STK32A: variants seen among roughly 807,000 people sequenced by gnomAD.
STK32A encodes serine/threonine kinase 32A, also known as serine/threonine-protein kinase 32A.
Under a neutral mutation model 53.2 loss-of-function variants are expected in STK32A, and 41 were observed. The ratio of observed to expected loss-of-function variants is 0.77; its 90% CI spans 0.60 to 1.00. The LOEUF is 1.00. STK32A is among the 50% of genes least tolerant of loss of function. The pLI is 0.00. For missense variants in STK32A, 458 were observed against 485.8 expected (o/e 0.94, Z 0.54); for synonymous variants, 166 against 162.8 (o/e 1.02, Z -0.15).
chr5:147,344,044 G>T (rs1363399884), intron 6 of STK32A, among the ~76,000 whole-genome samples: 8 of 152,114 alleles, frequency 5.3e-5, no homozygotes, highest in Admixed American at 2.0e-4. Flanking sequence ...GGGAAGATCT[G>T]CAGGGCACAA....
At chr5:147,394,048 G>A in the STK32A span, 25 of 1,614,052 alleles carry the variant, frequency 1.5e-5, no homozygotes, top group Middle Eastern at 1.6e-4. Flanking sequence ...ACTCAGAGAT[G>A]TGATATTAGA....
intron 1 of STK32A, among the ~76,000 whole-genome samples, chr5:147,237,525 C>T (rs2151936360): frequency 6.6e-6 from 1 of 152,194 alleles, no homozygotes; most frequent in South Asian, 2.1e-4. Context: ...TGGAGTTAAA[C>T]TCTTTTTGAT....
intron 8 of STK32A, among the ~76,000 whole-genome samples, chr5:147,369,165 A>G (rs1284108307): frequency 1.3e-5 from 2 of 152,104 alleles, no homozygotes. Context: ...TGATATAGCT[A>G]TGGTCCTTTA....
chr5:147,265,320 G>T (rs1228893665), intron 2 of STK32A, among the ~76,000 whole-genome samples: 1 of 151,802 alleles, frequency 6.6e-6, no homozygotes, highest in Non-Finnish European at 1.5e-5. Flanking sequence ...GTTAAAATCC[G>T]AGAGGCAAAA....
At chr5:147,244,676 A>C (rs765420677) in intron 2 of STK32A, among the ~76,000 whole-genome samples, 1 of 152,250 alleles carries the variant, frequency 6.6e-6, no homozygotes, top group Non-Finnish European at 1.5e-5. Context: ...AGGAAACTTG[A>C]GGTACCACAA....
chr5:147,359,208 A>T (rs1756389082), intron 7 of STK32A, among the ~76,000 whole-genome samples: 2 of 152,142 alleles, frequency 1.3e-5, no homozygotes, highest in South Asian at 4.1e-4. Flanking sequence ...GCCCTTCAAT[A>T]TCTTCCTGCT....
intron 4 of STK32A, among the ~76,000 whole-genome samples, chr5:147,322,243 A>C (rs1030303925): frequency 1.3e-5 from 2 of 152,352 alleles, no homozygotes; most frequent in Middle Eastern, 3.4e-3. Context: ...TATGTTTCTC[A>C]GGCTTTTACA....
intron 4 of STK32A, among the ~76,000 whole-genome samples, chr5:147,299,174 T>G (rs1275545495): frequency 6.6e-6 from 1 of 152,104 alleles, no homozygotes; most frequent in African/African-American, 2.4e-5. Flanking sequence ...ATTTTTATGG[T>G]TTTTTTAATA....
chr5:147,285,929 A>G (rs1374420381), intron 4 of STK32A, among the ~76,000 whole-genome samples: 1 of 152,178 alleles, frequency 6.6e-6, no homozygotes, highest in Non-Finnish European at 1.5e-5. Context: ...TGATCCAGCA[A>G]TCCCTCTACT....
At chr5:147,345,266 G>T (rs1464741890) in intron 6 of STK32A, among the ~76,000 whole-genome samples, 1 of 152,096 alleles carries the variant, frequency 6.6e-6, no homozygotes, top group Non-Finnish European at 1.5e-5. Flanking sequence ...ATCTTACAGG[G>T]ATCAAAAGAA....
intron 2 of STK32A, among the ~76,000 whole-genome samples, chr5:147,259,960 C>CTCTCTCTCTCCTCTCTGTG (rs1754437060): frequency 6.9e-6 from 1 of 144,774 alleles, no homozygotes; most frequent in Non-Finnish European, 1.5e-5. Flanking sequence ...TCCTCTCTGT[C>CTCTCTCTCTCCTCTCTGTG]TCTCTCTCTC....
At chr5:147,313,063 C>CAA (rs71583952) in intron 4 of STK32A, among the ~76,000 whole-genome samples, 67 of 78,626 alleles carry the variant, frequency 8.5e-4, no homozygotes, top group African/African-American at 1.2e-3. Context: ...CTCATCTCTA[C>CAA]AAAAAAAAAA....
chr5:147,246,080 G>T (rs945772678), intron 2 of STK32A, among the ~76,000 whole-genome samples: 1 of 152,178 alleles, frequency 6.6e-6, no homozygotes, highest in African/African-American at 2.4e-5. Context: ...TCCCTTAGCA[G>T]CCTTGAGTAA....
At chr5:147,288,677 G>C (rs1027250981) in intron 4 of STK32A, among the ~76,000 whole-genome samples, 2 of 152,012 alleles carry the variant, frequency 1.3e-5, no homozygotes. Context: ...GCTCTCTTAA[G>C]ACCTCTATCA....
chr5:147,331,158 T>C (rs780042861), intron 5 of STK32A, among the ~76,000 whole-genome samples: 1 of 152,204 alleles, frequency 6.6e-6, no homozygotes, highest in Non-Finnish European at 1.5e-5. Context: ...ATGAGTCATC[T>C]GGAAAGATGT....
At chr5:147,275,059 G>C (rs1229237775) in intron 2 of STK32A, among the ~76,000 whole-genome samples, 1 of 152,208 alleles carries the variant, frequency 6.6e-6, no homozygotes, top group Non-Finnish European at 1.5e-5. Context: ...GGCATTTACT[G>C]TTCCTATTGA....
intron 4 of STK32A, among the ~76,000 whole-genome samples, chr5:147,307,552 G>T (rs2151969117): frequency 6.6e-6 from 1 of 151,364 alleles, no homozygotes; most frequent in Non-Finnish European, 1.5e-5. Context: ...AATCCTAGAG[G>T]TGGAGGTTGC....
chr5:147,315,057 T>TA (rs1343742246), intron 4 of STK32A, among the ~76,000 whole-genome samples: 1 of 152,110 alleles, frequency 6.6e-6, no homozygotes, highest in African/African-American at 2.4e-5. Context: ...TACTATTCTT[T>TA]AAAAAATGGG....
chr5:147,379,300 C>T (rs949117367), intron 11 of STK32A, among the ~76,000 whole-genome samples: 1 of 151,756 alleles, frequency 6.6e-6, no homozygotes, highest in African/African-American at 2.4e-5. Flanking sequence ...ATTTTAAAAA[C>T]TTACTTCAGG....
Sources: allele counts gnomAD v4.1 joint callset (sites outside exome capture counted in the v4.1 genomes callset), GRCh38; gene constraint gnomAD v4.1.1; transcripts MANE v1.5; gene names NCBI Gene and HGNC (gene_info 2026-07-23, HGNC 2026-07-21).